ARHGEF7: variants seen among roughly 807,000 people sequenced by gnomAD.
ARHGEF7 encodes the protein PAK-interacting exchange factor beta.
In ARHGEF7, 33 loss-of-function variants were observed where a neutral mutation model predicts 109.8. That is an observed-to-expected ratio of 0.30 (90% confidence interval 0.23 to 0.40). The LOEUF is 0.40. ARHGEF7 is among the 10% of genes least tolerant of loss of function. ARHGEF7 has a pLI of 1.00. For missense variants in ARHGEF7, 938 were observed against 1,098.5 expected (o/e 0.85, Z 2.07); for synonymous variants, 458 against 424.6 (o/e 1.08, Z -0.97).
intron 5 of ARHGEF7, among the ~76,000 whole-genome samples, chr13:111,219,315 C>CTGT (rs1182815291): frequency 6.6e-6 from 1 of 152,184 alleles, no homozygotes; most frequent in Non-Finnish European, 1.5e-5. Context: ...GTTTTCCATG[C>CTGT]TGTAGCATAT....
At chr13:111,252,647 C>T (rs2089923849) in intron 8 of ARHGEF7, among the ~76,000 whole-genome samples, 1 of 152,186 alleles carries the variant, frequency 6.6e-6, no homozygotes, top group Non-Finnish European at 1.5e-5. Context: ...AGTGAACTTC[C>T]ATGTACAGAC....
intron 1 of ARHGEF7, among the ~76,000 whole-genome samples, chr13:111,139,466 G>T (rs1167778068): frequency 6.6e-6 from 1 of 152,192 alleles, no homozygotes; most frequent in Non-Finnish European, 1.5e-5. Context: ...CAGAATCACA[G>T]GAGGCCTCCA....
chr13:111,267,368 G>A (rs377317967), intron 8 of ARHGEF7, among the ~76,000 whole-genome samples, 180 bp from the exon 9 acceptor site: 3 of 152,120 alleles, frequency 2.0e-5, no homozygotes, highest in African/African-American at 4.8e-5. Flanking sequence ...CTTTCTGGGC[G>A]CCCCTTCTCC....
chr13:111,133,763 TTATATATA>T (rs763290549), intron 1 of ARHGEF7, among the ~76,000 whole-genome samples: 11 of 7,380 alleles, frequency 1.5e-3, no homozygotes, highest in African/African-American at 5.6e-3. Flanking sequence ...CTGCTTTTCT[TTATATATA>T]TATATATATA....
At chr13:111,149,271 A>C (rs1194299627) in intron 1 of ARHGEF7, among the ~76,000 whole-genome samples, 1 of 152,108 alleles carries the variant, frequency 6.6e-6, no homozygotes, top group African/African-American at 2.4e-5. Context: ...AAGAAAAGAA[A>C]AAGAAATACA....
chr13:111,281,209 T>TTA (rs1555400140), intron 15 of ARHGEF7: 1 of 118,784 alleles, frequency 8.4e-6, no homozygotes, highest in Non-Finnish European at 1.8e-5. Flanking sequence ...TTTTTTTTTT[T>TTA]ACAACTTTTC....
At chr13:111,154,603 G>T (rs2076158516) in intron 2 of ARHGEF7, among the ~76,000 whole-genome samples, 1 of 152,144 alleles carries the variant, frequency 6.6e-6, no homozygotes, top group South Asian at 2.1e-4. Flanking sequence ...ACATGCTGTC[G>T]GGGAACATAC....
intron 2 of ARHGEF7, among the ~76,000 whole-genome samples, chr13:111,197,830 G>T (rs914065501): frequency 6.6e-6 from 1 of 152,098 alleles, no homozygotes; most frequent in African/African-American, 2.4e-5. Context: ...AACTAGAAAA[G>T]AACTAGAGAC....
intron 1 of ARHGEF7, among the ~76,000 whole-genome samples, chr13:111,146,747 G>T (rs917558734): frequency 6.6e-6 from 1 of 152,156 alleles, no homozygotes; most frequent in African/African-American, 2.4e-5. Context: ...TTGGTTGAGG[G>T]TGGAGATGAT....
intron 2 of ARHGEF7, among the ~76,000 whole-genome samples, chr13:111,171,618 G>A (rs2077601481): frequency 6.6e-6 from 1 of 152,206 alleles, no homozygotes; most frequent in South Asian, 2.1e-4. Flanking sequence ...GTAAACATCA[G>A]TGTGATCTTT....
intron 15 of ARHGEF7, among the ~76,000 whole-genome samples, chr13:111,282,256 G>A (rs1015689108): frequency 1.3e-5 from 2 of 152,156 alleles, no homozygotes; most frequent in Admixed American, 6.5e-5. Context: ...GCCCCACTCC[G>A]TTTCCAGTTC....
chr13:111,191,211 C>T (rs946640786), intron 2 of ARHGEF7, among the ~76,000 whole-genome samples: 59 of 152,162 alleles, frequency 3.9e-4, no homozygotes, highest in Non-Finnish European at 5.9e-4. Context: ...GTTTGGGTGA[C>T]TTGGAAGTTA....
chr13:111,153,262 T>A (rs2075994193), intron 1 of ARHGEF7, among the ~76,000 whole-genome samples: 1 of 152,234 alleles, frequency 6.6e-6, no homozygotes, highest in Admixed American at 6.5e-5. Flanking sequence ...GGGGCCCCTC[T>A]GGGCCAGGCT....
chr13:111,236,280 A>G (rs1048012334), intron 6 of ARHGEF7, among the ~76,000 whole-genome samples: 1 of 152,218 alleles, frequency 6.6e-6, no homozygotes, highest in Non-Finnish European at 1.5e-5. Context: ...TATTTATAAC[A>G]GCTGCTTTGA....
At chr13:111,127,229 C>G (rs1240842698) in intron 1 of ARHGEF7, among the ~76,000 whole-genome samples, 1 of 152,128 alleles carries the variant, frequency 6.6e-6, no homozygotes, top group Admixed American at 6.5e-5. Flanking sequence ...TTTAATAACC[C>G]TACATCTATT....
At chr13:111,296,462 C>T (rs972705034) in intron 19 of ARHGEF7, among the ~76,000 whole-genome samples, 11 of 152,022 alleles carry the variant, frequency 7.2e-5, no homozygotes, top group African/African-American at 9.7e-5. Flanking sequence ...AGGCAGACAC[C>T]GAGCATCTAC....
intron 2 of ARHGEF7, among the ~76,000 whole-genome samples, chr13:111,181,745 A>G (rs2078752630): frequency 6.6e-6 from 1 of 152,164 alleles, no homozygotes; most frequent in Non-Finnish European, 1.5e-5. Context: ...AGCAGCTGTA[A>G]ATGCTTCAAG....
chr13:111,121,273 C>T (rs2067179615), intron 1 of ARHGEF7, among the ~76,000 whole-genome samples: 1 of 152,208 alleles, frequency 6.6e-6, no homozygotes, highest in Non-Finnish European at 1.5e-5. Flanking sequence ...GCCTTTCTCC[C>T]CGGCCGCAGA....
chr13:111,202,061 G>A (rs1555363838), intron 2 of ARHGEF7, among the ~76,000 whole-genome samples: 2 of 152,190 alleles, frequency 1.3e-5, no homozygotes, highest in Non-Finnish European at 2.9e-5. Context: ...GGGAGTATCG[G>A]ATCATTCTAT....
Sources: gnomAD v4.1 joint callset for allele counts (sites outside exome capture counted in the v4.1 genomes callset) on GRCh38, gnomAD v4.1.1 for gene constraint, MANE v1.5 for transcripts, NCBI Gene and HGNC (gene_info 2026-07-23, HGNC 2026-07-21) for gene names.